Variants in SNTG1 observed in about 807,000 individuals in gnomAD.
The protein encoded by SNTG1 is syntrophin gamma 1, also known as gamma-1-syntrophin.
A neutral mutation model predicts 74.7 loss-of-function variants in SNTG1; 39 were observed. The ratio of observed to expected loss-of-function variants is 0.52; its 90% CI spans 0.40 to 0.68. The LOEUF is 0.68. Ranked by LOEUF, SNTG1 falls within the 30% of genes least tolerant of loss-of-function variation. The pLI is 0.00. For synonymous variants in SNTG1, 254 were observed against 217.1 expected, an observed-to-expected ratio of 1.17 and a Z score of -1.49; for missense variants, 685 against 609.5, an observed-to-expected ratio of 1.12 and a Z score of -1.30.
chr8:50,336,681 G>T (rs1448870568), intron 2 of SNTG1, among the ~76,000 whole-genome samples: 1 of 152,182 alleles, frequency 6.6e-6, no homozygotes, highest in African/African-American at 2.4e-5. Context: ...TTGTTTGTTT[G>T]AAGGCTTAAT....
chr8:50,097,801 T>C (rs1361006166), intron 1 of SNTG1, among the ~76,000 whole-genome samples: 1 of 152,240 alleles, frequency 6.6e-6, no homozygotes, highest in Non-Finnish European at 1.5e-5. Context: ...TCACCCATCA[T>C]GAGTCTTGGC....
At chr8:50,409,449 T>C (rs1438362659) in intron 4 of SNTG1, among the ~76,000 whole-genome samples, 3 of 152,202 alleles carry the variant, frequency 2.0e-5, no homozygotes, top group Non-Finnish European at 4.4e-5. Flanking sequence ...GTTTCATCTG[T>C]GATCATTTAA....
intron 12 of SNTG1, among the ~76,000 whole-genome samples, chr8:50,583,243 G>GA (rs1182620211): frequency 1.3e-5 from 2 of 151,496 alleles, no homozygotes; most frequent in African/African-American, 2.4e-5. Context: ...TCTCTACTAA[G>GA]AATACAAAAA....
Position 50,048,686 on chromosome 8 carries a change from C to T in SNTG1, c.-102-123875C>T, listed in dbSNP as rs57833415. On this transcript the variant is annotated intron_variant, in intron 1 of 18. Transcript: ENST00000642720. ...TAGTTCTGTTTTGTAGAATGTCGCT[C>T]ATATTTTTTAATACTAATTAGTAAA... Among the ~76,000 whole-genome samples the T allele has an allele frequency of 8.3e-3, 1,269 of 152,152 alleles. 27 individuals carry two copies. The highest frequency in any genetic ancestry group is 0.029 in the African/African-American group (1,208 of 41,502).
chr8:50,494,570 G>A (rs1304598702), intron 8 of SNTG1, among the ~76,000 whole-genome samples: 1 of 151,818 alleles, frequency 6.6e-6, no homozygotes, highest in Non-Finnish European at 1.5e-5. Context: ...CTTTATTAAT[G>A]GATCTTGAGC....
chr8:50,188,973 T>C (rs2083474322), intron 2 of SNTG1, among the ~76,000 whole-genome samples: 1 of 152,120 alleles, frequency 6.6e-6, no homozygotes, highest in African/African-American at 2.4e-5. Flanking sequence ...AGAGCCCTTT[T>C]GTGTTCTGGG....
intron 2 of SNTG1, among the ~76,000 whole-genome samples, chr8:50,216,091 G>A (rs1314262079): frequency 6.6e-6 from 1 of 152,100 alleles, no homozygotes; most frequent in Non-Finnish European, 1.5e-5. Context: ...CTGACAGATG[G>A]CTTGGACACC....
chr8:50,717,475 A>T (rs369939103), intron 17 of SNTG1, among the ~76,000 whole-genome samples: 3 of 152,374 alleles, frequency 2.0e-5, no homozygotes, highest in East Asian at 3.9e-4. Flanking sequence ...ATGAGATAGC[A>T]TGTTAAAAAT....
chr8:50,639,130 G>A (rs572840218), intron 13 of SNTG1, among the ~76,000 whole-genome samples: 1 of 150,224 alleles, frequency 6.7e-6, no homozygotes, highest in South Asian at 2.1e-4. Context: ...TAAAAACTAA[G>A]AATAAAATGG....
chr8:50,316,781 A>G (rs2090333793), intron 2 of SNTG1, among the ~76,000 whole-genome samples: 1 of 152,214 alleles, frequency 6.6e-6, no homozygotes. Flanking sequence ...CAATAAGAGT[A>G]TGCAATCAAC....
chr8:50,620,670 A>C (rs1174066680), intron 13 of SNTG1, among the ~76,000 whole-genome samples: 1 of 152,236 alleles, frequency 6.6e-6, no homozygotes, highest in Non-Finnish European at 1.5e-5. Flanking sequence ...GAGGTAAACA[A>C]TGAACAAATA....
At chr8:50,069,182 A>C (rs1007968868) in intron 1 of SNTG1, among the ~76,000 whole-genome samples, 11 of 152,222 alleles carry the variant, frequency 7.2e-5, no homozygotes, top group African/African-American at 2.4e-4. Context: ...AGGGAAATGA[A>C]GTTTGGGCTA....
At chr8:50,622,391 T>G (rs1035721499) in intron 13 of SNTG1, among the ~76,000 whole-genome samples, 1 of 152,192 alleles carries the variant, frequency 6.6e-6, no homozygotes, top group Non-Finnish European at 1.5e-5. Context: ...ATAACATACT[T>G]TGATAATAAT....
At chr8:50,192,862 A>G (rs1479624046) in intron 2 of SNTG1, among the ~76,000 whole-genome samples, 2 of 152,072 alleles carry the variant, frequency 1.3e-5, no homozygotes, top group Non-Finnish European at 1.5e-5. Flanking sequence ...TCCTTCTCCT[A>G]CATGTGGCCA....
At chr8:50,400,836 G>C (rs1046695777) in intron 3 of SNTG1, among the ~76,000 whole-genome samples, 2 of 152,050 alleles carry the variant, frequency 1.3e-5, no homozygotes, top group Non-Finnish European at 2.9e-5. Flanking sequence ...TGGAGAACAG[G>C]TACAATGTTA....
At chr8:50,036,277 T>C (rs1279048241) in intron 1 of SNTG1, among the ~76,000 whole-genome samples, 4 of 152,184 alleles carry the variant, frequency 2.6e-5, no homozygotes, top group African/African-American at 9.7e-5. Flanking sequence ...ATGACAACTA[T>C]GACGTCTCTA....
At chr8:50,741,180 A>C (rs886535623) in intron 17 of SNTG1, among the ~76,000 whole-genome samples, 1 of 152,020 alleles carries the variant, frequency 6.6e-6, no homozygotes, top group African/African-American at 2.4e-5. Context: ...GCTGGAGTAC[A>C]GTGGTGCAAT....
chr8:49,910,571 G>T (rs912829670), upstream of SNTG1, among the ~76,000 whole-genome samples: 2 of 152,130 alleles, frequency 1.3e-5, no homozygotes, highest in Admixed American at 1.3e-4. Flanking sequence ...ACCCGTTGCC[G>T]AGTGTGGGTG....
intron 2 of SNTG1, among the ~76,000 whole-genome samples, chr8:50,182,285 G>A (rs1475493809): frequency 6.6e-6 from 1 of 152,088 alleles, no homozygotes; most frequent in Non-Finnish European, 1.5e-5. Flanking sequence ...GATATGGTGG[G>A]TTCTTTTATT....
Sources: gnomAD v4.1 joint callset for allele counts (sites outside exome capture counted in the v4.1 genomes callset) on GRCh38, gnomAD v4.1.1 for gene constraint, MANE v1.5 for transcripts, NCBI Gene and HGNC (gene_info 2026-07-23, HGNC 2026-07-21) for gene names.